The following RELCH variants were observed in gnomAD, a reference collection of about 807,000 sequenced individuals.
RELCH encodes the protein RAB11 binding and LisH domain, coiled-coil and HEAT repeat containing.
RELCH carries 41 observed loss-of-function variants against 150.3 expected under a neutral mutation model. The observed-to-expected ratio is 0.27, with a 90% CI of 0.21 to 0.35. The LOEUF (loss-of-function observed/expected upper bound fraction) is 0.35, where lower values mean the gene tolerates loss of function less well. RELCH is among the 10% of genes least tolerant of loss of function. The probability of loss-of-function intolerance (pLI) is 1.00; values close to 1 mark genes in which losing one functional copy is unlikely to be tolerated. For synonymous variants in RELCH, 478 were observed against 531.8 expected (o/e 0.90, Z 1.39); for missense variants, 1,092 against 1,467.8 (o/e 0.74, Z 4.18).
intron 21 of RELCH, 100 bp downstream of exon 21, chr18:62,274,186 C>T (rs539679076): frequency 1.4e-6 from 1 of 702,088 alleles, no homozygotes; most frequent in African/African-American, 1.9e-5. Flanking sequence ...GACATGCACA[C>T]CAATTCTCTT....
chr18:62,260,330 T>C (rs1290941171), intron 15 of RELCH, among the ~76,000 whole-genome samples: 1 of 142,866 alleles, frequency 7.0e-6, no homozygotes, highest in Non-Finnish European at 1.5e-5. Flanking sequence ...TAAACCAAAA[T>C]GAAGTATCAT....
Position 62,275,402 on chromosome 18 carries a change from T to C in RELCH, c.2896T>C (p.Leu966=), listed in dbSNP as rs751257621. ...GANPAYHELL[L]TVLWYGVVHT... is the part of the protein sequence containing the mutation. ...AAACCCAGCCTACCATGAGTTACTA[T>C]TAACTGTTTTGTGGTATGGTGTTGT... The change falls in exon 22 of 29, where the codon TTA becomes CTA. Residue 966 remains leucine (L), a synonymous_variant. Transcript: ENST00000644646. 4 of 1,568,182 alleles carry C rather than the reference T, an allele frequency of 2.6e-6. No homozygotes were observed. The highest frequency in any genetic ancestry group is 1.7e-4 in the Middle Eastern group (1 of 5,854).
At chr18:62,193,757 C>CA in intron 1 of RELCH, among the ~76,000 whole-genome samples, 1 of 152,068 alleles carries the variant, frequency 6.6e-6, no homozygotes, top group Admixed American at 6.6e-5. Flanking sequence ...CTGCTGGCTT[C>CA]GATTTGCCAG....
chr18:62,232,976 T>C (rs2041671406), intron 10 of RELCH, among the ~76,000 whole-genome samples: 1 of 152,048 alleles, frequency 6.6e-6, no homozygotes, highest in Non-Finnish European at 1.5e-5. Flanking sequence ...CTTTTTAAAG[T>C]ACCTTTTTTA....
chr18:62,236,223 C>G (rs923789173), intron 10 of RELCH, among the ~76,000 whole-genome samples: 64 of 151,926 alleles, frequency 4.2e-4, no homozygotes, highest in African/African-American at 1.5e-3. Flanking sequence ...GCGATTTTTC[C>G]CCTTTCGTTC....
chr18:62,229,485 G>GGTGT (rs58842870), intron 8 of RELCH, among the ~76,000 whole-genome samples: 38,363 of 143,060 alleles, frequency 0.27, 5,311 homozygotes, highest in Middle Eastern at 0.36. Flanking sequence ...GTATAGTAGG[G>GGTGT]GTGTGTGTGT....
At chr18:62,226,483 A>G (rs1346611359) in intron 5 of RELCH, among the ~76,000 whole-genome samples, 1 of 152,102 alleles carries the variant, frequency 6.6e-6, no homozygotes, top group African/African-American at 2.4e-5. Context: ...TTGTTTCCCT[A>G]CCCATTAGAG....
Position 62,244,891 on chromosome 18 carries a change from A to G in RELCH, c.1733+15A>G. ...GATGAGCAAAGGTGGGTATGATTAC[A>G]TATGTGAAAAAGAAATACAATGTGA... On this transcript the variant is annotated intron_variant, in intron 11 of 28. Coordinates refer to ENST00000644646, the MANE Select transcript of RELCH (RefSeq NM_001346231.2). 6.7e-7 allele frequency: 1 copy of G among 1,492,742 alleles called. No homozygotes were observed. The highest frequency in any genetic ancestry group is 9.3e-7 in the Non-Finnish European group (1 of 1,069,590). The allele number at this position is 1,492,742 out of a possible 1,614,324, so 92.5% of individuals were successfully genotyped here.
chr18:62,246,200 T>C (rs2042403237), intron 11 of RELCH: 1 of 152,252 alleles, frequency 6.6e-6, no homozygotes. Context: ...GTGCAGTTTT[T>C]ATACACAAAA....
chr18:62,245,825 C>G (rs528064283), intron 11 of RELCH: 9 of 152,234 alleles, frequency 5.9e-5, no homozygotes, highest in African/African-American at 2.2e-4. Flanking sequence ...TTCTAGTAGA[C>G]AAGCATCTAC....
At chr18:62,229,490 G>A (rs2094292837) in intron 8 of RELCH, among the ~76,000 whole-genome samples, 1 of 117,750 alleles carries the variant, frequency 8.5e-6, no homozygotes, top group Non-Finnish European at 1.9e-5. Context: ...GTAGGGGTGT[G>A]TGTGTGTGTG....
chr18:62,272,791 A>G (rs2043975379), intron 20 of RELCH, among the ~76,000 whole-genome samples: 1 of 150,466 alleles, frequency 6.6e-6, no homozygotes, highest in South Asian at 2.1e-4. Flanking sequence ...CTTATTTTAT[A>G]GCTCTTATTT....
Position 62,195,843 on chromosome 18 carries a change from A to T in RELCH, c.526+7812A>T, listed in dbSNP as rs1162036581. Among the ~76,000 whole-genome samples, 3 of 151,800 alleles carry T rather than the reference A, an allele frequency of 2.0e-5. No individual in the cohort carries two copies. In the East Asian group the frequency reaches 5.8e-4, roughly 30 times the overall value. ...CCCGAGTAGCTAGGACTACAGGCGC[A>T]TGCCACCACACCCAGCCAATTTTTT... On this transcript the variant is annotated intron_variant, in intron 1 of 28. Transcript: ENST00000644646.
At chr18:62,220,809 T>G (rs1199458596) in intron 2 of RELCH, 1 of 537,822 alleles carries the variant, frequency 1.9e-6, no homozygotes, top group Non-Finnish European at 3.3e-6. Context: ...CTAGAACATT[T>G]GATAATAACC....
At chr18:62,267,512 G>GTGTT (rs1555743428) in intron 19 of RELCH, among the ~76,000 whole-genome samples, 5,505 of 135,782 alleles carry the variant, frequency 0.041, 177 homozygotes, top group Middle Eastern at 0.087. Context: ...GTGTGTGTGT[G>GTGTT]TGTGTGTATA....
At chr18:62,218,260 G>A (rs914949567) in intron 2 of RELCH, among the ~76,000 whole-genome samples, 1 of 151,856 alleles carries the variant, frequency 6.6e-6, no homozygotes, top group African/African-American at 2.4e-5. Context: ...TAGCAAAATA[G>A]ATGACTCAGA....
At chr18:62,238,671 AGGAGAGACTTAAT>A (rs1477160605) in intron 10 of RELCH, among the ~76,000 whole-genome samples, 1 of 151,936 alleles carries the variant, frequency 6.6e-6, no homozygotes, top group African/African-American at 2.4e-5. Context: ...AGTGGAAATG[AGGAGAGACTTAAT>A]GGAGACCAGC....
intron 12 of RELCH, among the ~76,000 whole-genome samples, chr18:62,254,353 GATGCT>G (rs1213844650): frequency 2.0e-5 from 3 of 151,956 alleles, no homozygotes; most frequent in African/African-American, 7.2e-5. Context: ...CATGCTTTTG[GATGCT>G]ATTGTAAATA....
intron 5 of RELCH, among the ~76,000 whole-genome samples, chr18:62,223,735 A>G (rs1219507807): frequency 6.6e-6 from 1 of 152,172 alleles, no homozygotes; most frequent in African/African-American, 2.4e-5. Flanking sequence ...CATTATGACC[A>G]AATGAGGTTT....
Sources: gnomAD v4.1 joint callset for allele counts (sites outside exome capture counted in the v4.1 genomes callset) on GRCh38, gnomAD v4.1.1 for gene constraint, MANE v1.5 for transcripts, NCBI Gene and HGNC (gene_info 2026-07-23, HGNC 2026-07-21) for gene names.